Variants in URM1 observed in about 807,000 individuals in gnomAD.
The protein encoded by URM1 is ubiquitin related modifier 1, also known as ubiquitin-related modifier 1.
Under a neutral mutation model 17.7 loss-of-function variants are expected in URM1, and 11 were observed. The observed-to-expected ratio is 0.62, with a 90% confidence interval of 0.39 to 1.03. The LOEUF (loss-of-function observed/expected upper bound fraction) is 1.03, where lower values mean the gene tolerates loss of function less well. URM1 is among the 50% of genes least tolerant of loss of function. The pLI is 0.00. For synonymous variants in URM1, 48 were observed against 50.6 expected, an observed-to-expected ratio of 0.95 and a Z score of 0.22; for missense variants, 128 against 129.2, an observed-to-expected ratio of 0.99 and a Z score of 0.04.
intron 1 of URM1, among the ~76,000 whole-genome samples, chr9:128,374,251 T>C (rs1588577407): frequency 6.6e-6 from 1 of 152,116 alleles, no homozygotes; most frequent in Non-Finnish European, 1.5e-5. Context: ...AATTCAGCAG[T>C]GACAGGTCAC....
intron 2 of URM1, among the ~76,000 whole-genome samples, chr9:128,381,768 T>C (rs887085831): frequency 6.6e-5 from 10 of 152,248 alleles, no homozygotes; most frequent in Admixed American, 5.9e-4. Context: ...TAGAGTTATT[T>C]AAATAGCAGG....
At chr9:128,389,020 G>C (rs1833267048) in intron 3 of URM1, 2 of 1,341,030 alleles carry the variant, frequency 1.5e-6, no homozygotes, top group East Asian at 5.6e-5. Flanking sequence ...CCCATGGTCT[G>C]GGTGGTGGTG....
chr9:128,377,409 A>G (rs956041300), intron 1 of URM1, among the ~76,000 whole-genome samples: 21 of 152,206 alleles, frequency 1.4e-4, no homozygotes, highest in African/African-American at 5.1e-4. Context: ...GCGGTGGCTC[A>G]TGACTGTAAT....
chr9:128,380,078 C>A lies in URM1; in HGVS notation c.106+1972C>A, dbSNP rs536489762. 5.9e-5 allele frequency among the ~76,000 whole-genome samples: 9 copies of A among 152,116 alleles called. No individual in the cohort carries two copies. The South Asian group carries it at 1.9e-3, about 32-fold the overall frequency. On this transcript the variant is annotated intron_variant, in intron 2 of 4. Coordinates refer to ENST00000372853, the MANE Select transcript of URM1 (RefSeq NM_030914.4). ...CAGTGAGCTATGATCACACACTGTT[C>A]TTCAGCCTGGGTGCCAGAGTGAGAC...
At chr9:128,372,268 A>G (rs773962199) in intron 1 of URM1, among the ~76,000 whole-genome samples, 14 of 149,920 alleles carry the variant, frequency 9.3e-5, no homozygotes, top group Non-Finnish European at 1.8e-4. Flanking sequence ...ATAGGTAGGG[A>G]TGTGTGTGTG....
chr9:128,372,482 G>A (rs1057083379), intron 1 of URM1, among the ~76,000 whole-genome samples: 3 of 152,204 alleles, frequency 2.0e-5, no homozygotes, highest in African/African-American at 4.8e-5. Flanking sequence ...ACCATGTGCC[G>A]GGCAGCAAGC....
rs893776167 is a variant in URM1 at position 128,387,713 on chromosome 9, C to T, written c.107-103C>T. The T allele has an allele frequency of 3.6e-5, 56 of 1,572,846 alleles. No homozygotes were observed. The highest frequency in any genetic ancestry group is 1.2e-5 in the South Asian group (1 of 85,890). On this transcript the variant is annotated intron_variant, in intron 2 of 4. Transcript: ENST00000372853. The surrounding 1 kb of genome is among the most constrained non-coding windows in gnomAD (Gnocchi z 4.3). Reference sequence around the variant, plus strand: ...ATCACAGCCTGGTCTAAAAGAAGCCCTCTAAACACCGTGTGTATTTCCTTG... The same window carrying T: ...ATCACAGCCTGGTCTAAAAGAAGCCTTCTAAACACCGTGTGTATTTCCTTG...
chr9:128,379,695 G>A (rs1242936183), intron 2 of URM1, among the ~76,000 whole-genome samples: 1 of 151,964 alleles, frequency 6.6e-6, no homozygotes, highest in Non-Finnish European at 1.5e-5. Context: ...GGCTACTCTG[G>A]AGGCTGAGGC....
chr9:128,375,931 G>A (rs935424963), intron 1 of URM1, among the ~76,000 whole-genome samples: 2 of 152,202 alleles, frequency 1.3e-5, no homozygotes, highest in African/African-American at 4.8e-5. Context: ...AACATAGGGA[G>A]AGGTGGAGCC....
At chr9:128,372,347 G>T (rs376118948) in intron 1 of URM1, among the ~76,000 whole-genome samples, 1 of 151,832 alleles carries the variant, frequency 6.6e-6, no homozygotes, top group East Asian at 1.9e-4. Context: ...CTATGTGACA[G>T]GAAAAGTCTG....
Position 128,387,999 on chromosome 9 carries a change from C to A in URM1, c.188+102C>A. On this transcript the variant is annotated intron_variant, in intron 3 of 4. Transcript: ENST00000372853. This position sits in a 1 kb window ranked among gnomAD's most constrained non-coding sequence, Gnocchi z 4.3. ...CCTGGCCTTCTCTGAATCCGGTTCT[C>A]CCCTTCCTCCTCCCTAACTCTTCCA... The A allele has an allele frequency of 6.6e-7, 1 of 1,510,624 alleles. No homozygotes were observed. The highest frequency in any genetic ancestry group is 8.9e-7 in the Non-Finnish European group (1 of 1,126,116). The allele number at this position is 1,510,624 out of a possible 1,614,324, so 93.6% of individuals were successfully genotyped here.
At chr9:128,378,630 T>C (rs1274317982) in intron 2 of URM1, among the ~76,000 whole-genome samples, 2 of 149,358 alleles carry the variant, frequency 1.3e-5, no homozygotes, top group Non-Finnish European at 3.0e-5. Flanking sequence ...GCAGACCATG[T>C]GCTGATCACT....
chr9:128,388,138 T>C (rs1023282039), intron 3 of URM1: 30 of 1,314,446 alleles, frequency 2.3e-5, no homozygotes, highest in Non-Finnish European at 2.9e-5. Flanking sequence ...TTCTGCCCTC[T>C]GGTTGCCACA....
chr9:128,373,352 A>G lies in URM1; in HGVS notation c.35+1937A>G, dbSNP rs569824998. On this transcript the variant is annotated intron_variant, in intron 1 of 4. Transcript: ENST00000372853. ...CTTTCTTTCATTTCCTATGTATCTT[A>G]GCAGACATGATTCACCCTTATCCAG... 1.2e-4 allele frequency among the ~76,000 whole-genome samples: 19 copies of G among 152,218 alleles called. 1 individual carries two copies. In the South Asian group the frequency reaches 3.9e-3, roughly 32 times the overall value.
chr9:128,378,542 CAAAAAAAAAAAAAAAA>C lies in URM1; in HGVS notation c.106+451_106+466del, dbSNP rs58676800. Reference sequence around the variant, plus strand: ...TGGGCGACAAAGCAAGACTCCATCTCAAAAAAAAAAAAAAAAAAAAAAAAAAAAAACTTGTTAATCT... The same window carrying C: ...TGGGCGACAAAGCAAGACTCCATCTCAAAAAAAAAAAAAACTTGTTAATCT... On this transcript the variant is annotated intron_variant, in intron 2 of 4. Transcript: ENST00000372853. Among the ~76,000 whole-genome samples the C allele has an allele frequency of 3.5e-4, 8 of 23,026 alleles. No homozygotes were observed. The East Asian group carries it at 8.6e-3, about 25-fold the overall frequency. The allele number at this position is 23,026 out of a possible 152,430, so 15.1% of individuals were successfully genotyped here. A position where few individuals can be genotyped will look rare whatever the true frequency, so the allele number is the denominator to read the frequency against.
chr9:128,378,960 A>G (rs1036605691), intron 2 of URM1, among the ~76,000 whole-genome samples: 1 of 151,626 alleles, frequency 6.6e-6, no homozygotes, highest in Non-Finnish European at 1.5e-5. Flanking sequence ...AAAAAAAAAA[A>G]AAAAAAAGAA....
intron 2 of URM1, among the ~76,000 whole-genome samples, chr9:128,383,417 A>C (rs1833184840): frequency 6.6e-6 from 1 of 151,496 alleles, no homozygotes; most frequent in South Asian, 2.1e-4. Context: ...TTTTCAACTG[A>C]GGCCTGGGGT....
chr9:128,384,342 C>T (rs954786859), intron 2 of URM1, among the ~76,000 whole-genome samples: 4 of 152,174 alleles, frequency 2.6e-5, no homozygotes, highest in Admixed American at 6.5e-5. Flanking sequence ...GCAGCCTGGC[C>T]GCCAGCACCT....
rs888962138 is a variant in URM1, at chr9:128,392,015, A to T, written c.*2281A>T. ...AACAAATAAAACCCCGCTATCTCCG[A>T]AGATTTTTCTTTAATGAAAAGGATT... On this transcript the variant is annotated 3_prime_UTR_variant, in exon 5 of 5. Coordinates refer to ENST00000372853, the MANE Select transcript of URM1 (RefSeq NM_030914.4). This position sits in a 1 kb window ranked among gnomAD's most constrained non-coding sequence, Gnocchi z 6.5. 6.6e-6 allele frequency: 1 copy of T among 152,352 alleles called. No individual in the cohort carries two copies. Among genetic ancestry groups the T allele is most frequent in the African/African-American group, 2.4e-5 (1 of 41,472 alleles). 9.4% of individuals were successfully genotyped at this position (152,352 alleles called of 1,614,324 possible).
Sources: gnomAD v4.1 joint callset for allele counts (sites outside exome capture counted in the v4.1 genomes callset) on GRCh38, gnomAD v4.1.1 for gene constraint, Gnocchi (gnomAD v3.1) non-coding constraint, MANE v1.5 for transcripts, NCBI Gene and HGNC (gene_info 2026-07-23, HGNC 2026-07-21) for gene names.